PDE1A: variants seen among roughly 807,000 people sequenced by gnomAD.
PDE1A encodes the protein phosphodiesterase 1A.
PDE1A carries 35 observed loss-of-function variants against 61.7 expected under a neutral mutation model. That is an observed-to-expected ratio of 0.57 (90% CI 0.43 to 0.75). The LOEUF (loss-of-function observed/expected upper bound fraction) is 0.75. Among genes scored for constraint, PDE1A ranks in the 30% least tolerant of loss-of-function variants. The pLI, the probability that PDE1A is intolerant of heterozygous loss-of-function variation, is 0.00. For synonymous variants in PDE1A, 232 were observed against 213.2 expected (o/e 1.09, Z -0.77); for missense variants, 597 against 630.6 (o/e 0.95, Z 0.57).
downstream of PDE1A, among the ~76,000 whole-genome samples, chr2:182,162,936 AG>A (rs1253053556): frequency 6.6e-6 from 1 of 152,196 alleles, no homozygotes; most frequent in African/African-American, 2.4e-5. Flanking sequence ...TTATTATGAT[AG>A]GAAAGGCCAA....
intron 1 of PDE1A, among the ~76,000 whole-genome samples, chr2:182,394,240 C>T (rs576461579): frequency 9.2e-5 from 14 of 152,196 alleles, no homozygotes; most frequent in Middle Eastern, 3.4e-3. Flanking sequence ...TGTTAGGTTG[C>T]GGGGGGCCTC....
the PDE1A span, among the ~76,000 whole-genome samples, chr2:182,618,206 G>T: frequency 6.6e-6 from 1 of 152,012 alleles, no homozygotes; most frequent in South Asian, 2.1e-4. Context: ...AGAAAAGACT[G>T]CAAATTTCAC....
chr2:182,572,868 C>CA, the PDE1A span, among the ~76,000 whole-genome samples: 5,926 of 52,236 alleles, frequency 0.11, 747 homozygotes, highest in African/African-American at 0.32. Flanking sequence ...GACTCTGTCT[C>CA]AAAAAAAAAA....
chr2:182,691,722 C>A, the PDE1A span, among the ~76,000 whole-genome samples: 1 of 152,066 alleles, frequency 6.6e-6, no homozygotes, highest in South Asian at 2.1e-4. Context: ...GCAAAAGAAA[C>A]TACCATCAGA....
At chr2:182,194,881 TCACACACACACACACACACACA>T (rs55809632) in intron 10 of PDE1A, among the ~76,000 whole-genome samples, 1 of 144,832 alleles carries the variant, frequency 6.9e-6, no homozygotes, top group Non-Finnish European at 1.5e-5. Flanking sequence ...TCTGAAATAT[TCACACACACACACACACACACA>T]CACACACACA....
At chr2:182,189,171 A>C (rs921418339) in intron 10 of PDE1A, 111 bp from the exon 11 acceptor site, 3 of 607,988 alleles carry the variant, frequency 4.9e-6, no homozygotes, top group Non-Finnish European at 8.5e-6. Context: ...TTAATTAGCA[A>C]TACTTTTTTC....
At chr2:182,583,648 T>C in the PDE1A span, among the ~76,000 whole-genome samples, 1 of 152,330 alleles carries the variant, frequency 6.6e-6, no homozygotes, top group East Asian at 1.9e-4. Context: ...TCAATCTCTC[T>C]CCTCTACTGA....
At chr2:182,492,355 A>G (rs1469303243) in intron 2 of PDE1A, among the ~76,000 whole-genome samples, 1 of 152,242 alleles carries the variant, frequency 6.6e-6, no homozygotes, top group African/African-American at 2.4e-5. Flanking sequence ...CATCTAAAAA[A>G]GCAAGCATCA....
chr2:182,433,868 A>G (rs560703566), intron 2 of PDE1A, among the ~76,000 whole-genome samples: 2 of 152,124 alleles, frequency 1.3e-5, no homozygotes, highest in South Asian at 4.1e-4. Context: ...CTGTTTCTGT[A>G]CATACTTTTC....
At chr2:182,639,926 T>G in the PDE1A span, among the ~76,000 whole-genome samples, 1 of 150,440 alleles carries the variant, frequency 6.6e-6, no homozygotes, top group African/African-American at 2.4e-5. Context: ...GGACACATTA[T>G]TCAGAAAAAA....
chr2:182,296,965 G>T (rs575013494), intron 1 of PDE1A, among the ~76,000 whole-genome samples: 2 of 152,252 alleles, frequency 1.3e-5, no homozygotes, highest in South Asian at 4.1e-4. Flanking sequence ...GCCACAGGCT[G>T]CTCTGGTTCT....
the PDE1A span, among the ~76,000 whole-genome samples, chr2:182,623,182 T>C: frequency 2.6e-5 from 4 of 152,282 alleles, no homozygotes; most frequent in Middle Eastern, 3.4e-3. Context: ...GGTAGGCATA[T>C]GCATACACTA....
At chr2:182,647,010 T>C in the PDE1A span, among the ~76,000 whole-genome samples, 2 of 152,168 alleles carry the variant, frequency 1.3e-5, no homozygotes, top group Non-Finnish European at 2.9e-5. Flanking sequence ...AATGGTAAAG[T>C]AAGAGATTGG....
chr2:182,397,908 G>A (rs1043656173), intron 1 of PDE1A, among the ~76,000 whole-genome samples: 3 of 152,038 alleles, frequency 2.0e-5, no homozygotes, highest in African/African-American at 7.2e-5. Flanking sequence ...TTTATTTGGG[G>A]AGATGAAATT....
the PDE1A span, among the ~76,000 whole-genome samples, chr2:182,688,355 A>T: frequency 4.9e-3 from 741 of 152,292 alleles, 3 homozygotes; most frequent in African/African-American, 0.017. Flanking sequence ...CAAGCCAGAA[A>T]AGAGTGGGGG....
intron 1 of PDE1A, among the ~76,000 whole-genome samples, chr2:182,372,441 G>A (rs536600129): frequency 6.6e-6 from 1 of 152,164 alleles, no homozygotes; most frequent in African/African-American, 2.4e-5. Context: ...CTTTTAAAAG[G>A]CATTTTAAAG....
At chr2:182,608,211 C>A in the PDE1A span, among the ~76,000 whole-genome samples, 1 of 152,186 alleles carries the variant, frequency 6.6e-6, no homozygotes, top group South Asian at 2.1e-4. Context: ...ACCCCTTTTC[C>A]CTGAAAATCT....
chr2:182,524,143 CCTCA>C (rs1690719038), upstream of PDE1A, among the ~76,000 whole-genome samples: 1 of 152,060 alleles, frequency 6.6e-6, no homozygotes, highest in African/African-American at 2.4e-5. Flanking sequence ...CCAATTTTAC[CCTCA>C]CTGTGCCTTC....
chr2:182,185,174 T>C (rs984039517), intron 13 of PDE1A, among the ~76,000 whole-genome samples: 2 of 152,120 alleles, frequency 1.3e-5, no homozygotes, highest in African/African-American at 4.8e-5. Context: ...CCCTGGAGTA[T>C]TTTAAGAAAC....
Sources: gnomAD v4.1 joint callset for allele counts (sites outside exome capture counted in the v4.1 genomes callset) on GRCh38, gnomAD v4.1.1 for gene constraint, MANE v1.5 for transcripts, NCBI Gene and HGNC (gene_info 2026-07-23, HGNC 2026-07-21) for gene names.